The following PDE4D variants were observed in gnomAD, a reference collection of about 807,000 sequenced individuals.
PDE4D encodes phosphodiesterase 4D, also known as 3',5'-cyclic-AMP phosphodiesterase 4D.
PDE4D carries 24 observed loss-of-function variants against 87.4 expected under a neutral mutation model. The ratio of observed to expected loss-of-function variants is 0.27; its 90% confidence interval spans 0.20 to 0.39. The LOEUF is 0.39. Ranked by LOEUF, PDE4D falls within the 10% of genes least tolerant of loss-of-function variation. The probability of loss-of-function intolerance (pLI) is 1.00; values close to 1 mark genes in which losing one functional copy is unlikely to be tolerated. For synonymous variants in PDE4D, 384 were observed against 383.2 expected (o/e 1.00, Z -0.02); for missense variants, 714 against 1,041.0 (o/e 0.69, Z 4.32).
chr5:59,654,181 G>C (rs372342588), intron 1 of PDE4D, among the ~76,000 whole-genome samples: 47 of 152,226 alleles, frequency 3.1e-4, no homozygotes, highest in African/African-American at 1.1e-3. Flanking sequence ...ACTCAGCTTG[G>C]GCAACAGAGC....
At chr5:60,239,547 A>G (rs1300741714) in intron 1 of PDE4D, among the ~76,000 whole-genome samples, 1 of 152,182 alleles carries the variant, frequency 6.6e-6, no homozygotes, top group Non-Finnish European at 1.5e-5. Context: ...TCTTTCTGAT[A>G]CTGAGTCATT....
At position 60,230,947 on chromosome 5, in the gene PDE4D, C is replaced by T. The variant is rs112285528; in HGVS notation, c.-89-45260G>A. On this transcript the variant is annotated intron_variant, in intron 1 of 16. Transcript: ENST00000502484. The stretch of plus-strand genomic sequence containing the variant: ...AACAGGGGTTAAGGTTTGCTTTCTT[C>T]GCTGATCTCTCATTATTCTTACTGT... 1.7e-3 allele frequency among the ~76,000 whole-genome samples: 253 copies of T among 152,126 alleles called. 3 individuals carry two copies. Among genetic ancestry groups the T allele is most frequent in the African/African-American group, 5.3e-3 (220 of 41,556 alleles).
intron 1 of PDE4D, among the ~76,000 whole-genome samples, chr5:60,290,863 G>A (rs1265737954): frequency 6.6e-6 from 1 of 151,794 alleles, no homozygotes; most frequent in Admixed American, 6.6e-5. Flanking sequence ...TAAAGCAAAG[G>A]CATAATGATT....
chr5:59,776,213 T>C (rs1157430413), intron 1 of PDE4D, among the ~76,000 whole-genome samples: 4 of 152,208 alleles, frequency 2.6e-5, no homozygotes, highest in African/African-American at 9.6e-5. Flanking sequence ...TTCCCCATTT[T>C]GTAATAAGTT....
chr5:60,067,068 T>G (rs34570495), intron 2 of PDE4D, among the ~76,000 whole-genome samples: 44,632 of 152,010 alleles, frequency 0.29, 7,310 homozygotes, highest in East Asian at 0.74. Flanking sequence ...CTGTCCTCTC[T>G]GGACACAGCT....
At chr5:59,459,906 G>A (rs1265465115) in intron 1 of PDE4D, among the ~76,000 whole-genome samples, 8 of 152,114 alleles carry the variant, frequency 5.3e-5, no homozygotes, top group Admixed American at 5.2e-4. Context: ...ATTCCTCTAA[G>A]GTTCGAGGAG....
intron 1 of PDE4D, among the ~76,000 whole-genome samples, chr5:60,463,488 C>CT (rs1401258924): frequency 4.6e-5 from 7 of 152,192 alleles, no homozygotes; most frequent in African/African-American, 1.7e-4. Context: ...CTGGGAGCTT[C>CT]TCTAACATAC....
At chr5:59,271,019 A>C (rs1169652846) in intron 1 of PDE4D, among the ~76,000 whole-genome samples, 4 of 151,442 alleles carry the variant, frequency 2.6e-5, no homozygotes, top group Admixed American at 1.3e-4. Flanking sequence ...AATGAAAGCT[A>C]TAAGTATTAG....
At chr5:59,617,604 G>C (rs1829856116) in intron 1 of PDE4D, among the ~76,000 whole-genome samples, 1 of 152,116 alleles carries the variant, frequency 6.6e-6, no homozygotes, top group Non-Finnish European at 1.5e-5. Context: ...CATGTGAAGA[G>C]ACAAACACGT....
intron 1 of PDE4D, among the ~76,000 whole-genome samples, chr5:59,434,542 G>A (rs1333547974): frequency 6.6e-6 from 1 of 152,072 alleles, no homozygotes. Context: ...TGCATCCAAT[G>A]AATTGGCTTT....
intron 1 of PDE4D, among the ~76,000 whole-genome samples, chr5:60,368,760 G>A (rs1015780851): frequency 6.6e-6 from 1 of 152,082 alleles, no homozygotes; most frequent in African/African-American, 2.4e-5. Context: ...TGTTGAAAGT[G>A]TGTACCAGCT....
At chr5:59,587,567 G>A in intron 1 of PDE4D, 1 of 985,334 alleles carries the variant, frequency 1.0e-6, no homozygotes, top group African/African-American at 1.7e-5. Flanking sequence ...GGGCTGTGCC[G>A]CCCCAGCTCT....
chr5:59,816,054 T>C (rs757227032), intron 1 of PDE4D, among the ~76,000 whole-genome samples: 2 of 152,224 alleles, frequency 1.3e-5, no homozygotes, highest in Non-Finnish European at 2.9e-5. Context: ...AAATAAAGAC[T>C]GAAAGACCTG....
intron 2 of PDE4D, among the ~76,000 whole-genome samples, chr5:60,157,891 CCCTT>C (rs112255610): frequency 0.014 from 1,997 of 146,846 alleles, 22 homozygotes; most frequent in Middle Eastern, 0.024. Flanking sequence ...CCCTTTCTTT[CCCTT>C]CCTTCCTTCC....
chr5:59,038,828 G>A (rs771597827), intron 6 of PDE4D, 31 bp downstream of exon 6: 32 of 1,453,452 alleles, frequency 2.2e-5, no homozygotes, highest in Non-Finnish European at 2.9e-5. Flanking sequence ...AGCAGCCTGG[G>A]GGCACCAGTG....
chr5:59,831,560 T>C (rs1024596049), intron 1 of PDE4D, among the ~76,000 whole-genome samples: 7 of 152,070 alleles, frequency 4.6e-5, no homozygotes, highest in Non-Finnish European at 8.8e-5. Flanking sequence ...CTCATAAACA[T>C]TACAATCCAC....
intron 1 of PDE4D, among the ~76,000 whole-genome samples, chr5:60,363,601 G>T (rs571316409): frequency 1.5e-3 from 228 of 152,192 alleles, no homozygotes; most frequent in Non-Finnish European, 1.6e-3. Context: ...TAATAAGTAA[G>T]ATAAGTTCAA....
At chr5:59,607,908 A>G (rs935028034) in intron 1 of PDE4D, among the ~76,000 whole-genome samples, 1 of 152,158 alleles carries the variant, frequency 6.6e-6, no homozygotes, top group Admixed American at 6.6e-5. Context: ...GAGGATTTCC[A>G]TAGATAAGGC....
rs75110827 is a variant in PDE4D at position 59,817,636 on chromosome 5, T to A, written c.455+75532A>T. Among the ~76,000 whole-genome samples, 546 of 152,220 alleles carry A rather than the reference T, an allele frequency of 3.6e-3. 3 individuals carry two copies. Among genetic ancestry groups the A allele is most frequent in the African/African-American group, 0.013 (525 of 41,558 alleles). ...TTTAGTCAGTAAATAAGTTTAAATG[T>A]GGTCATAAGGGTAGGGTCCTAATCT... is the stretch of plus-strand genomic sequence containing the variant. On this transcript the variant is annotated intron_variant, in intron 1 of 14. Coordinates refer to ENST00000340635, the MANE Select transcript of PDE4D (RefSeq NM_001104631.2).
Sources: gnomAD v4.1 joint callset for allele counts (sites outside exome capture counted in the v4.1 genomes callset) on GRCh38, gnomAD v4.1.1 for gene constraint, MANE v1.5 for transcripts, NCBI Gene and HGNC (gene_info 2026-07-23, HGNC 2026-07-21) for gene names.